GRIN2B: variants seen among roughly 807,000 people sequenced by gnomAD.
GRIN2B encodes glutamate receptor ionotropic, NMDA 2B.
Under a neutral mutation model 114.5 loss-of-function variants are expected in GRIN2B, and 5 were observed. That is an observed-to-expected ratio of 0.04 (90% CI 0.02 to 0.09). GRIN2B has a LOEUF of 0.09. GRIN2B is among the 10% of genes least tolerant of loss of function. The pLI, the probability that GRIN2B is intolerant of heterozygous loss-of-function variation, is 1.00. For missense variants in GRIN2B, 1,108 were observed against 1,943.5 expected (o/e 0.57, Z 8.08); for synonymous variants, 787 against 745.1 (o/e 1.06, Z -0.92).
rs745829995 is a variant in GRIN2B at position 13,753,904 on chromosome 12, G to A, written c.423C>T (p.Ser141=). 2.5e-6 allele frequency: 4 copies of A among 1,602,820 alleles called. No individual in the cohort carries two copies. Among genetic ancestry groups the A allele is most frequent in the African/African-American group, 2.7e-5 (2 of 74,754 alleles). The part of the protein sequence containing the change: ...SMIMADKDES[S]MFFQFGPSIE... ...TTGATGGGCCAAACTGGAAGAACATGGAGGATTCATCCTAGAAAAAGAACA... is the reference window on the plus strand; with the variant it reads ...TTGATGGGCCAAACTGGAAGAACATAGAGGATTCATCCTAGAAAAAGAACA... The change falls in exon 4 of 14, where the codon TCC becomes TCT. Residue 141 remains serine, a synonymous_variant. Transcript: ENST00000609686. The surrounding 1 kb of genome is among the most constrained non-coding windows in gnomAD (Gnocchi z 6.2).
intron 5 of GRIN2B, among the ~76,000 whole-genome samples, chr12:13,619,972 T>C (rs1270419189): frequency 6.6e-6 from 1 of 152,196 alleles, no homozygotes; most frequent in Non-Finnish European, 1.5e-5. Context: ...TCGACAATAA[T>C]AGGCTTTGGT....
intron 5 of GRIN2B, among the ~76,000 whole-genome samples, chr12:13,663,082 T>C (rs755183171): frequency 6.6e-6 from 1 of 152,166 alleles, no homozygotes; most frequent in Admixed American, 6.5e-5. Context: ...TCCCCGGTGA[T>C]GCTAATGCTG....
At chr12:13,689,802 G>A (rs924280025) in intron 4 of GRIN2B, among the ~76,000 whole-genome samples, 33 of 152,266 alleles carry the variant, frequency 2.2e-4, no homozygotes, top group African/African-American at 7.9e-4. Flanking sequence ...CTGAAGCCAA[G>A]AACCATCTTT....
In GRIN2B at chr12:13,812,185, C is replaced by T. The variant is rs528639889; in HGVS notation, c.411+53613G>A. ...CGATTGAACAAATATGTACTAAGCC[C>T]CAAATTATATAAAAGACACTGTGCA... On this transcript the variant is annotated intron_variant, in intron 3 of 13. Transcript: ENST00000609686. Among the ~76,000 whole-genome samples the T allele has an allele frequency of 2.7e-4, 41 of 152,160 alleles. No homozygotes were observed. In the South Asian group the frequency reaches 4.4e-3, roughly 16 times the overall value.
intron 5 of GRIN2B, among the ~76,000 whole-genome samples, chr12:13,638,715 A>C (rs1167318526): frequency 2.6e-5 from 4 of 152,138 alleles, no homozygotes; most frequent in African/African-American, 9.7e-5. Flanking sequence ...AGCCCTTGAC[A>C]CTAAAAAACT....
At chr12:13,609,704 C>T (rs1345952987) in intron 9 of GRIN2B, among the ~76,000 whole-genome samples, 2 of 150,272 alleles carry the variant, frequency 1.3e-5, no homozygotes, top group Non-Finnish European at 2.9e-5. Flanking sequence ...ACCCGGGAGG[C>T]GGAGCTTGCA....
intron 3 of GRIN2B, among the ~76,000 whole-genome samples, chr12:13,824,382 TA>T (rs1426463831): frequency 6.6e-6 from 1 of 152,238 alleles, no homozygotes; most frequent in East Asian, 1.9e-4. Flanking sequence ...TTTGTCTATT[TA>T]CCCAAGTTGT....
At chr12:13,860,777 C>A (rs1865739646) in intron 3 of GRIN2B, among the ~76,000 whole-genome samples, 1 of 152,204 alleles carries the variant, frequency 6.6e-6, no homozygotes, top group Admixed American at 6.5e-5. Context: ...TTTCCAGATC[C>A]TGACCCTTTA....
In GRIN2B at chr12:13,646,821, C is replaced by A. The variant is rs542700892; in HGVS notation, c.1125+28924G>T. ...GGGATTACGGGTGTGAGCCACTGCA[C>A]CCAGCCACAAAATTTCTTCTTAACA... is the stretch of plus-strand genomic sequence containing the variant. On this transcript the variant is annotated intron_variant, in intron 5 of 13. Coordinates refer to ENST00000609686, the MANE Select transcript of GRIN2B (RefSeq NM_000834.5). Among the ~76,000 whole-genome samples the A allele has an allele frequency of 8.5e-5, 13 of 152,134 alleles. No homozygotes were observed. The South Asian group carries it at 2.7e-3, about 32-fold the overall frequency.
rs73296800 is a variant in GRIN2B at position 13,885,951 on chromosome 12, G to A, written c.-18-19725C>T. On this transcript the variant is annotated intron_variant, in intron 2 of 13. Coordinates refer to ENST00000609686, the MANE Select transcript of GRIN2B (RefSeq NM_000834.5). ...TAGGCCTGATCCCAGGCCAGGTGAT[G>A]TGGAACACCTGGAGATAAATTTGGA... Among the ~76,000 whole-genome samples, 1,082 of 152,300 alleles carry A rather than the reference G, an allele frequency of 7.1e-3. 21 individuals are homozygous for A. Among genetic ancestry groups the A allele is most frequent in the African/African-American group, 0.025 (1,020 of 41,548 alleles).
intron 2 of GRIN2B, among the ~76,000 whole-genome samples, chr12:13,903,924 T>G (rs1866498280): frequency 2.0e-5 from 3 of 152,026 alleles, no homozygotes; most frequent in Admixed American, 6.6e-5. Flanking sequence ...TCTAAAATAT[T>G]TAATCAATTC....
chr12:13,884,350 A>G (rs1866118897), intron 2 of GRIN2B, among the ~76,000 whole-genome samples: 2 of 152,160 alleles, frequency 1.3e-5, no homozygotes. Context: ...TGAGTCAGAT[A>G]TTTTATAAAA....
chr12:13,595,604 T>C (rs1949061719), intron 10 of GRIN2B, among the ~76,000 whole-genome samples: 2 of 152,210 alleles, frequency 1.3e-5, no homozygotes, highest in Admixed American at 1.3e-4. Context: ...ACTTTGACTC[T>C]GCCTCCATCT....
At chr12:13,682,436 G>A (rs557921545) in intron 4 of GRIN2B, among the ~76,000 whole-genome samples, 1 of 152,256 alleles carries the variant, frequency 6.6e-6, no homozygotes, top group South Asian at 2.1e-4. Flanking sequence ...ATGTTTACTT[G>A]AGATGGGTTA....
At chr12:13,784,406 G>A (rs1011393420) in intron 3 of GRIN2B, among the ~76,000 whole-genome samples, 12 of 152,094 alleles carry the variant, frequency 7.9e-5, no homozygotes, top group Admixed American at 4.6e-4. Flanking sequence ...AGCTCAATTT[G>A]AGGAGTCCCC....
At chr12:13,961,153 G>A (rs1250531793) in intron 2 of GRIN2B, among the ~76,000 whole-genome samples, 1 of 152,084 alleles carries the variant, frequency 6.6e-6, no homozygotes, top group South Asian at 2.1e-4. Flanking sequence ...CCTGCAAGTG[G>A]GTGGGTCAGT....
intron 5 of GRIN2B, among the ~76,000 whole-genome samples, chr12:13,668,704 A>C (rs1362519985): frequency 2.0e-5 from 3 of 152,026 alleles, no homozygotes; most frequent in African/African-American, 4.8e-5. Flanking sequence ...ACATCAACCC[A>C]ATGTTAGATG....
At chr12:13,617,184 G>T (rs1360631291) in intron 5 of GRIN2B, among the ~76,000 whole-genome samples, 1 of 152,262 alleles carries the variant, frequency 6.6e-6, no homozygotes, top group Admixed American at 6.5e-5. Flanking sequence ...AAGAGATCCA[G>T]TGGGGAGAGC....
chr12:13,785,125 A>G (rs1331859493), intron 3 of GRIN2B, among the ~76,000 whole-genome samples: 3 of 152,236 alleles, frequency 2.0e-5, no homozygotes, highest in Admixed American at 1.3e-4. Flanking sequence ...AGGAATCCTT[A>G]TCATTAATTC....
Sources: gnomAD v4.1 joint callset for allele counts (sites outside exome capture counted in the v4.1 genomes callset) on GRCh38, gnomAD v4.1.1 for gene constraint, Gnocchi (gnomAD v3.1) non-coding constraint, MANE v1.5 for transcripts, NCBI Gene and HGNC (gene_info 2026-07-23, HGNC 2026-07-21) for gene names.